The following RRP12 variants were observed in gnomAD, a reference collection of about 807,000 sequenced individuals.
RRP12 encodes the protein RRP12-like protein.
A neutral mutation model predicts 157.3 loss-of-function variants in RRP12; 78 were observed. The observed-to-expected ratio is 0.50, with a 90% confidence interval of 0.41 to 0.60. The LOEUF is 0.60. Ranked by LOEUF, RRP12 falls within the 20% of genes least tolerant of loss-of-function variation. RRP12 has a pLI of 0.00. For synonymous variants in RRP12, 726 were observed against 670.9 expected (o/e 1.08, Z -1.27); for missense variants, 1,521 against 1,679.9 (o/e 0.91, Z 1.65).
At chr10:97,369,988 G>A (rs529350241) in intron 24 of RRP12, among the ~76,000 whole-genome samples, 179 bp downstream of exon 24, 24 of 152,298 alleles carry the variant, frequency 1.6e-4, no homozygotes, top group Admixed American at 9.1e-4. Context: ...TGGCATAGCC[G>A]CAAGGGCGGG....
chr10:97,394,735 G>C (rs543707092), intron 3 of RRP12, among the ~76,000 whole-genome samples: 1 of 152,342 alleles, frequency 6.6e-6, no homozygotes, highest in Admixed American at 6.5e-5. Context: ...TTCTAGAGCA[G>C]AGGTTGGCAA....
intron 15 of RRP12, among the ~76,000 whole-genome samples, chr10:97,375,734 T>C (rs996536176): frequency 6.6e-6 from 1 of 152,184 alleles, no homozygotes; most frequent in African/African-American, 2.4e-5. Context: ...TCCTTTTTAA[T>C]ATCAGGAAAA....
Position 97,385,374 on chromosome 10 carries a change from C to T in RRP12, c.1117-117G>A. On this transcript the variant is annotated intron_variant, in intron 9 of 33. Transcript: ENST00000370992. ...CTGGGGACAGTGCTTGTGACCCTAG[C>T]ACTCACAGCCCCCTTGGCTTTCCCA... 3.9e-6 allele frequency: 3 copies of T among 777,120 alleles called. No individual in the cohort carries two copies. In the South Asian group the frequency reaches 5.0e-5, roughly 13 times the overall value. The allele number at this position is 777,120 out of a possible 1,614,324, so 48.1% of individuals were successfully genotyped here.
chr10:97,366,021 T>C, intron 29 of RRP12, 87 bp downstream of exon 29: 32 of 1,557,804 alleles, frequency 2.1e-5, no homozygotes, highest in Non-Finnish European at 2.8e-5. Flanking sequence ...GTTTCTCTGG[T>C]CTGTTTTTAG....
intron 11 of RRP12, 26 bp from the exon 12 acceptor site, chr10:97,381,509 T>A: frequency 6.4e-7 from 1 of 1,574,756 alleles, no homozygotes; most frequent in Non-Finnish European, 8.7e-7. Flanking sequence ...ACAGGCTTTC[T>A]GGGCCCAAGG....
intron 2 of RRP12, among the ~76,000 whole-genome samples, chr10:97,396,935 C>G (rs951000863): frequency 1.3e-5 from 2 of 151,188 alleles, no homozygotes; most frequent in Non-Finnish European, 3.0e-5. Context: ...CAGCTAATTT[C>G]TGTATTTTTA....
Position 97,385,909 on chromosome 10 carries a change from C to T in RRP12, c.1102G>A (p.Ala368Thr), listed in dbSNP as rs373049546. Residue 368 changes from alanine (A) to threonine (T), a missense_variant, in exon 9 of 34, where the codon GCC becomes ACC. Coordinates refer to ENST00000370992, the MANE Select transcript of RRP12 (RefSeq NM_015179.4). ...ACAGGCCTCACCGTGATGATCTGGGCGTTGAGCTCTGCTGACAGGGTGCTC... is the reference window on the plus strand; with the variant it reads ...ACAGGCCTCACCGTGATGATCTGGGTGTTGAGCTCTGCTGACAGGGTGCTC... ...GLSTLSAELN[A>T]QIITALYDYV... 2.4e-5 allele frequency: 39 copies of T among 1,604,156 alleles called. No individual in the cohort carries two copies. Among genetic ancestry groups the T allele is most frequent in the South Asian group, 2.4e-4 (21 of 88,908 alleles).
rs1400019551 is a variant in RRP12, at chr10:97,370,218, T to C, written c.2746A>G (p.Met916Val). Residue 916 changes from methionine (M) to valine (V), a missense_variant, in exon 24 of 34, where the codon ATG becomes GTG. Coordinates refer to ENST00000370992, the MANE Select transcript of RRP12 (RefSeq NM_015179.4). ...IYPGLVGAVT[M>V]VSCSILALTH... ...AGGGCCAGGATGCTGCAGCTGACCA[T>C]GGTCACCGCGCCCACCAGGCCAGGG... The C allele has an allele frequency of 6.2e-6, 10 of 1,607,190 alleles. No individual in the cohort carries two copies. Among genetic ancestry groups the C allele is most frequent in the Middle Eastern group, 1.7e-4 (1 of 6,052 alleles).
At chr10:97,396,141 C>T (rs1383882863) in intron 3 of RRP12, 77 bp downstream of exon 3, 1 of 1,021,306 alleles carries the variant, frequency 9.8e-7, no homozygotes, top group African/African-American at 1.6e-5. Context: ...CCCCACATGC[C>T]AGGGGCACTC....
At chr10:97,360,865 T>C (rs1297054375) in intron 30 of RRP12, among the ~76,000 whole-genome samples, 1 of 152,152 alleles carries the variant, frequency 6.6e-6, no homozygotes, top group Non-Finnish European at 1.5e-5. Flanking sequence ...TGGCGGCCGT[T>C]CCTGCTCTTC....
chr10:97,390,720 C>A lies in RRP12; in HGVS notation c.636+19G>T. The A allele has an allele frequency of 1.3e-6, 2 of 1,574,636 alleles. No homozygotes were observed. The highest frequency in any genetic ancestry group is 1.7e-6 in the Non-Finnish European group (2 of 1,143,990). On this transcript the variant is annotated intron_variant, in intron 5 of 33. Coordinates refer to ENST00000370992, the MANE Select transcript of RRP12 (RefSeq NM_015179.4). ...GCTCTGGGAGTCGCCAGATGAGAAACTAAACCCCAGACACTAACCCATCGG... is the reference window on the plus strand; with the variant it reads ...GCTCTGGGAGTCGCCAGATGAGAAAATAAACCCCAGACACTAACCCATCGG...
chr10:97,394,875 G>A (rs540523230), intron 3 of RRP12, among the ~76,000 whole-genome samples: 4 of 152,228 alleles, frequency 2.6e-5, no homozygotes, highest in Admixed American at 2.0e-4. Context: ...GGGCATGGTG[G>A]CTCATGCCTG....
intron 30 of RRP12, among the ~76,000 whole-genome samples, chr10:97,361,128 G>A (rs1009419293): frequency 3.9e-5 from 6 of 152,220 alleles, no homozygotes; most frequent in African/African-American, 9.7e-5. Context: ...GCTCTCAGGC[G>A]GGTGGGAGAC....
chr10:97,372,690 C>T (rs1214854103), intron 19 of RRP12, 46 bp downstream of exon 19: 4 of 1,485,130 alleles, frequency 2.7e-6, no homozygotes, highest in Non-Finnish European at 3.7e-6. Flanking sequence ...CACCCTCCAG[C>T]TCCCTGGGCT....
intron 29 of RRP12, among the ~76,000 whole-genome samples, chr10:97,365,465 G>A (rs1843950026): frequency 6.6e-6 from 1 of 151,990 alleles, no homozygotes; most frequent in Admixed American, 6.6e-5. Context: ...AGTAGAGATG[G>A]GTTTTAACCG....
At chr10:97,374,132 C>T (rs1352876136) in intron 15 of RRP12, among the ~76,000 whole-genome samples, 1 of 152,126 alleles carries the variant, frequency 6.6e-6, no homozygotes, top group East Asian at 1.9e-4. Context: ...TTTCTTGTTA[C>T]TTTTTTATAC....
Position 97,358,946 on chromosome 10 carries a change from G to C in RRP12, c.3705C>G (p.Ala1235=). ...KKAMPGAEYK[A]KKAKGDVKKK... ...ATGCCCTACATGCAGCACTTACCTT[G>C]GCCTTGTATTCAGCCCCAGGCATAG... Residue 1235 remains alanine, a synonymous_variant, in exon 32 of 34, where the codon GCC becomes GCG. Coordinates refer to ENST00000370992, the MANE Select transcript of RRP12 (RefSeq NM_015179.4). The C allele has an allele frequency of 6.2e-7, 1 of 1,613,004 alleles. No homozygotes were observed. Among genetic ancestry groups the C allele is most frequent in the Admixed American group, 1.7e-5 (1 of 60,008 alleles).
chr10:97,365,719 C>T (rs1212032013), intron 29 of RRP12, among the ~76,000 whole-genome samples: 1 of 149,016 alleles, frequency 6.7e-6, no homozygotes, highest in Non-Finnish European at 1.5e-5. Flanking sequence ...CAGCCTCTGG[C>T]TCTTTCTGCC....
intron 1 of RRP12, 90 bp downstream of exon 1, chr10:97,401,003 C>T (rs1011297497): frequency 3.3e-5 from 49 of 1,482,086 alleles, no homozygotes; most frequent in Admixed American, 1.0e-4. Flanking sequence ...AATGCCTGGC[C>T]CCGCACTCTC....
Sources: gnomAD v4.1 joint callset for allele counts (sites outside exome capture counted in the v4.1 genomes callset) on GRCh38, gnomAD v4.1.1 for gene constraint, MANE v1.5 for transcripts, NCBI Gene and HGNC (gene_info 2026-07-23, HGNC 2026-07-21) for gene names.